The following KCNQ1OT1 variants were observed in gnomAD, a reference collection of about 807,000 sequenced individuals.
KCNQ1OT1 encodes the protein KCNQ1 antisense RNA 2 (non-protein coding).
chr11:2,676,785 T>C lies in KCNQ1OT1; in HGVS notation n.23210A>G, dbSNP rs1381178938. ...GCAACCCTAGGACATTTGAAGAGAATGGAGTGATGGCCAGTGTATTGTGCT... is the reference window on the plus strand; with the variant it reads ...GCAACCCTAGGACATTTGAAGAGAACGGAGTGATGGCCAGTGTATTGTGCT... On this transcript the variant is annotated non_coding_transcript_exon_variant, in exon 1 of 1. Coordinates refer to ENST00000597346, the Ensembl canonical transcript of KCNQ1OT1. The surrounding 1 kb of genome is among the most constrained non-coding windows in gnomAD (Gnocchi z 4.2). 2.5e-6 allele frequency: 1 copy of C among 398,482 alleles called. No individual in the cohort carries two copies. Among genetic ancestry groups the C allele is most frequent in the East Asian group, 3.6e-5 (1 of 28,084 alleles). 24.7% of individuals were successfully genotyped at this position (398,482 alleles called of 1,614,324 possible).
exon 1 of KCNQ1OT1, chr11:2,640,547 A>C (rs1849556967): frequency 2.6e-6 from 1 of 381,380 alleles, no homozygotes; most frequent in Non-Finnish European, 4.5e-6. Context: ...TGGCCCCCCA[A>C]AGCACTGGGA....
chr11:2,663,276 A>T lies in KCNQ1OT1; in HGVS notation n.36719T>A. On this transcript the variant is annotated non_coding_transcript_exon_variant, in exon 1 of 1. Coordinates refer to ENST00000597346, the Ensembl canonical transcript of KCNQ1OT1. The surrounding 1 kb of genome is among the most constrained non-coding windows in gnomAD (Gnocchi z 5.2). The stretch of plus-strand genomic sequence containing the variant: ...GTGACTAGTCATGGACACCCTGAGA[A>T]TAGGGCTCTGAGCTTCTGGGCCCCT... 2.5e-6 allele frequency: 1 copy of T among 398,698 alleles called. No homozygotes were observed. 24.7% of individuals were successfully genotyped at this position (398,698 alleles called of 1,614,324 possible).
In KCNQ1OT1 at chr11:2,690,173, C is replaced by T. The variant is rs1187943192; in HGVS notation, n.9822G>A. On this transcript the variant is annotated non_coding_transcript_exon_variant, in exon 1 of 1. Transcript: ENST00000597346. This position sits in a 1 kb window ranked among gnomAD's most constrained non-coding sequence, Gnocchi z 5.1. ...CCCCAGCATGACAGGATGTGGAAGG[C>T]TGGTCTCTCCAGAGACTGGGCTAAA... is the stretch of plus-strand genomic sequence containing the variant. The T allele has an allele frequency of 5.0e-6, 2 of 398,680 alleles. No individual in the cohort carries two copies. The highest frequency in any genetic ancestry group is 4.1e-5 in the African/African-American group (2 of 48,644). 24.7% of individuals were successfully genotyped at this position (398,680 alleles called of 1,614,324 possible). A position where few individuals can be genotyped will look rare whatever the true frequency, so the allele number is the denominator to read the frequency against.
At chr11:2,681,195 G>T (rs1850390452) in exon 1 of KCNQ1OT1, 2 of 398,468 alleles carry the variant, frequency 5.0e-6, no homozygotes, top group Non-Finnish European at 4.4e-6. Context: ...AGTCATTTTT[G>T]CAGTGTTTGT....
At chr11:2,631,788 C>T in exon 1 of KCNQ1OT1, 1 of 398,634 alleles carries the variant, frequency 2.5e-6, no homozygotes, top group East Asian at 3.6e-5. Context: ...GCAAACATTA[C>T]AAAGGTCCTT....
chr11:2,643,483 T>C (rs187635008), exon 1 of KCNQ1OT1: 26 of 398,312 alleles, frequency 6.5e-5, no homozygotes, highest in Non-Finnish European at 1.2e-4. Flanking sequence ...TCCTGTTTGG[T>C]TTTTGTTTCC....
chr11:2,661,178 G>A lies in KCNQ1OT1; in HGVS notation n.38817C>T, dbSNP rs1231033323. The A allele has an allele frequency of 2.5e-6, 1 of 398,570 alleles. No individual in the cohort carries two copies. Among genetic ancestry groups the A allele is most frequent in the East Asian group, 3.6e-5 (1 of 28,080 alleles). The allele number at this position is 398,570 out of a possible 1,614,324, so 24.7% of individuals were successfully genotyped here. ...TGGCAGTTAACACTGATGACCTTGG[G>A]GGAGGAAAGCCATTGTGAATCTTTG... On this transcript the variant is annotated non_coding_transcript_exon_variant, in exon 1 of 1. Transcript: ENST00000597346. The surrounding 1 kb of genome is among the most constrained non-coding windows in gnomAD (Gnocchi z 5.9).
exon 1 of KCNQ1OT1, chr11:2,618,533 C>T: frequency 2.5e-6 from 1 of 398,454 alleles, no homozygotes; most frequent in East Asian, 3.6e-5. Flanking sequence ...TCTTTCTGGG[C>T]TCTCTATTCT....
exon 1 of KCNQ1OT1, chr11:2,614,755 G>C (rs770845921): frequency 2.0e-5 from 8 of 398,238 alleles, no homozygotes; most frequent in Non-Finnish European, 3.5e-5. Context: ...GTGTCCTAGA[G>C]ACCACATTGT....
In KCNQ1OT1 at chr11:2,640,580, A is replaced by T. The variant is rs1430323640; in HGVS notation, n.59415T>A. ...GGATTTCCTTTTTTTTTTTTTTTTG[A>T]CCGATACATAATACTTATGGGGTAC... On this transcript the variant is annotated non_coding_transcript_exon_variant, in exon 1 of 1. Transcript: ENST00000597346. 3 of 354,216 alleles carry T rather than the reference A, an allele frequency of 8.5e-6. No individual in the cohort carries two copies. In the Admixed American group the frequency reaches 1.7e-4, roughly 20 times the overall value. The allele number at this position is 354,216 out of a possible 1,614,324, so 21.9% of individuals were successfully genotyped here.
At chr11:2,660,870 A>T in exon 1 of KCNQ1OT1, 1 of 398,680 alleles carries the variant, frequency 2.5e-6, no homozygotes, top group Non-Finnish European at 4.4e-6. Flanking sequence ...AAGAATAAAG[A>T]TGAATATGGC....
At chr11:2,625,261 A>C in exon 1 of KCNQ1OT1, 1 of 398,462 alleles carries the variant, frequency 2.5e-6, no homozygotes, top group Non-Finnish European at 4.4e-6. Context: ...TTTATGTGGG[A>C]TTTTTTTGAG....
rs1850667401 is a variant in KCNQ1OT1 at position 2,695,861 on chromosome 11, G to A, written n.4134C>T. The stretch of plus-strand genomic sequence containing the variant: ...GATTAGCTTGGGCAAATTTTCATCT[G>A]TTTGTTAACCCTCCTGCAAACTGGC... On this transcript the variant is annotated non_coding_transcript_exon_variant, in exon 1 of 1. Coordinates refer to ENST00000597346, the Ensembl canonical transcript of KCNQ1OT1. The surrounding 1 kb of genome is among the most constrained non-coding windows in gnomAD (Gnocchi z 5.2). 2.5e-6 allele frequency: 1 copy of A among 398,446 alleles called. No homozygotes were observed. The highest frequency in any genetic ancestry group is 4.4e-6 in the Non-Finnish European group (1 of 226,060). 24.7% of individuals were successfully genotyped at this position (398,446 alleles called of 1,614,324 possible). A position where few individuals can be genotyped will look rare whatever the true frequency, so the allele number is the denominator to read the frequency against.
At chr11:2,644,820 A>T (rs1262628089) in exon 1 of KCNQ1OT1, 1 of 398,550 alleles carries the variant, frequency 2.5e-6, no homozygotes, top group Non-Finnish European at 4.4e-6. Flanking sequence ...TGTAAACAGC[A>T]CCAGTAGTGT....
chr11:2,660,473 G>T, exon 1 of KCNQ1OT1: 1 of 398,562 alleles, frequency 2.5e-6, no homozygotes, highest in South Asian at 1.3e-4. Context: ...TGAAAAAACA[G>T]ACTGGGGAAG....
At position 2,691,087 on chromosome 11, in the gene KCNQ1OT1, G is replaced by A; in HGVS notation, n.8908C>T. 2.5e-6 allele frequency: 1 copy of A among 398,692 alleles called. No individual in the cohort carries two copies. 24.7% of individuals were successfully genotyped at this position (398,692 alleles called of 1,614,324 possible). On this transcript the variant is annotated non_coding_transcript_exon_variant, in exon 1 of 1. Coordinates refer to ENST00000597346, the Ensembl canonical transcript of KCNQ1OT1. The surrounding 1 kb of genome is among the most constrained non-coding windows in gnomAD (Gnocchi z 6.4). ...GGAGGCACCTTTGTTCTAGATGCCT[G>A]CAGATTCCTGACAACAGTAGGGGTG...
exon 1 of KCNQ1OT1, chr11:2,619,576 A>C (rs570319714): frequency 7.5e-6 from 3 of 398,494 alleles, no homozygotes; most frequent in African/African-American, 6.2e-5. Flanking sequence ...CCAATATTTT[A>C]TTAAGGATTT....
At chr11:2,629,568 C>T in exon 1 of KCNQ1OT1, 2 of 398,458 alleles carry the variant, frequency 5.0e-6, no homozygotes, top group Non-Finnish European at 8.8e-6. Flanking sequence ...GTTTTCCTGG[C>T]ACCATTTGTT....
chr11:2,642,745 G>A lies in KCNQ1OT1; in HGVS notation n.57250C>T. 1 of 397,504 alleles carries A rather than the reference G, an allele frequency of 2.5e-6. No individual in the cohort carries two copies. 24.6% of individuals were successfully genotyped at this position (397,504 alleles called of 1,614,324 possible). A position where few individuals can be genotyped will look rare whatever the true frequency, so the allele number is the denominator to read the frequency against. On this transcript the variant is annotated non_coding_transcript_exon_variant, in exon 1 of 1. Transcript: ENST00000597346. This position sits in a 1 kb window ranked among gnomAD's most constrained non-coding sequence, Gnocchi z 4.3. ...GTTCTTGCTTTTCTGGTTCCTTCAG[G>A]TGTATCATTAGATTATTTAAGATCT...
Sources: gnomAD v4.1 joint callset for allele counts on GRCh38, gnomAD v4.1.1 for gene constraint, Gnocchi (gnomAD v3.1) non-coding constraint, MANE v1.5 for transcripts, NCBI Gene and HGNC (gene_info 2026-07-23, HGNC 2026-07-21) for gene names.